Variants in MPG observed in about 807,000 individuals in gnomAD.
The protein encoded by MPG is DNA-3-methyladenine glycosylase.
Under a neutral mutation model 31.7 loss-of-function variants are expected in MPG, and 33 were observed. The ratio of observed to expected loss-of-function variants is 1.04; its 90% confidence interval spans 0.79 to 1.39. The LOEUF is 1.39. Among genes scored for constraint, MPG ranks in the 40% most tolerant of loss-of-function variants. The pLI, the probability that MPG is intolerant of heterozygous loss-of-function variation, is 0.00. For missense variants in MPG, 455 were observed against 415.5 expected, an observed-to-expected ratio of 1.10 and a Z score of -0.83; for synonymous variants, 202 against 169.2, an observed-to-expected ratio of 1.19 and a Z score of -1.51.
chr16:77,784 G>A (rs1898127397), upstream of MPG, among the ~76,000 whole-genome samples: 1 of 152,100 alleles, frequency 6.6e-6, no homozygotes, highest in Non-Finnish European at 1.5e-5. Context: ...GGCCTCCCAG[G>A]CGCTCACTCC....
intron 2 of MPG, among the ~76,000 whole-genome samples, chr16:82,163 C>A (rs1898263969): frequency 9.2e-6 from 1 of 108,674 alleles, no homozygotes; most frequent in Admixed American, 8.5e-5. Flanking sequence ...CTTCCCACCA[C>A]CCTATCTCCG....
intron 2 of MPG, among the ~76,000 whole-genome samples, 198 bp from the exon 3 acceptor site, chr16:82,854 A>G (rs1231985814): frequency 1.3e-5 from 2 of 152,020 alleles, no homozygotes; most frequent in Non-Finnish European, 2.9e-5. Context: ...GCTGGAGGAG[A>G]CAACTGGTGC....
intron 3 of MPG, among the ~76,000 whole-genome samples, chr16:85,013 G>A (rs1022613644): frequency 4.6e-5 from 7 of 152,236 alleles, no homozygotes; most frequent in Non-Finnish European, 1.0e-4. Context: ...CTTTATAGCT[G>A]CTGCCAGTCA....
At position 79,544 on chromosome 16, in the gene MPG, G is replaced by A; in HGVS notation, c.144G>A (p.Gln48=). The A allele has an allele frequency of 1.2e-6, 2 of 1,613,018 alleles. No homozygotes were observed. Among genetic ancestry groups the A allele is most frequent in the Non-Finnish European group, 1.7e-6 (2 of 1,179,988 alleles). The change falls in exon 2 of 4, where the codon CAG becomes CAA. Residue 48 remains glutamine, a synonymous_variant. Transcript: ENST00000356432. ...EQPHSSSDAA[Q]APCPRERCLG... is the part of the protein sequence containing the mutation. ...CACACAGCTCGTCCGATGCAGCCCA[G>A]GCACCTTGCCCCAGGGAGCGCTGCT... is the stretch of plus-strand genomic sequence containing the variant.
In MPG at chr16:78,239, T is replaced by C. The variant is rs1473175882; in HGVS notation, c.-71T>C. Reference sequence around the variant, plus strand: ...CGCTCCGCCCCGGTCCTAGGGGTGCTTCCGTGGTCGGCGGCTGCTGGGCTC... The same window carrying C: ...CGCTCCGCCCCGGTCCTAGGGGTGCCTCCGTGGTCGGCGGCTGCTGGGCTC... On this transcript the variant is annotated 5_prime_UTR_variant, in exon 1 of 4. Transcript: ENST00000356432. 32 of 1,343,988 alleles carry C rather than the reference T, an allele frequency of 2.4e-5. No homozygotes were observed. The highest frequency in any genetic ancestry group is 1.2e-4 in the Admixed American group (4 of 32,144). 83.3% of individuals were successfully genotyped at this position (1,343,988 alleles called of 1,614,324 possible).
rs776056650 is a variant in MPG at position 79,566 on chromosome 16, T to C, written c.166T>C (p.Cys56Arg). The C allele has an allele frequency of 1.9e-6, 3 of 1,612,384 alleles. No individual in the cohort carries two copies. The highest frequency in any genetic ancestry group is 1.3e-5 in the African/African-American group (1 of 74,926). The change falls in exon 2 of 4, where the codon TGC becomes CGC. Residue 56 changes from cysteine (C) to arginine (R), a missense_variant. By Grantham distance (180) the Cys-to-Arg change is radical. Coordinates refer to ENST00000356432, the MANE Select transcript of MPG (RefSeq NM_001015052.3). ...CCAGGCACCTTGCCCCAGGGAGCGCTGCTTGGGACCGCCCACCACTCCGGG... is the reference window on the plus strand; with the variant it reads ...CCAGGCACCTTGCCCCAGGGAGCGCCGCTTGGGACCGCCCACCACTCCGGG... The part of the protein sequence containing the change: ...AAQAPCPRER[C>R]LGPPTTPGPY...
intron 1 of MPG, 109 bp from the exon 2 acceptor site, chr16:79,316 G>T: frequency 6.2e-7 from 1 of 1,609,602 alleles, no homozygotes; most frequent in South Asian, 1.1e-5. Flanking sequence ...CTTTGCAGAT[G>T]AAGAAACCAA....
At chr16:85,294 A>G (rs955184333) in intron 3 of MPG, 107 bp from the exon 4 acceptor site, 3 of 1,359,376 alleles carry the variant, frequency 2.2e-6, no homozygotes, top group African/African-American at 1.5e-5. Context: ...TGGCCCAGGC[A>G]GGAAGGCAGC....
chr16:78,269 C>A lies in MPG; in HGVS notation c.-41C>A. 1 of 1,370,110 alleles carries A rather than the reference C, an allele frequency of 7.3e-7. No homozygotes were observed. Among genetic ancestry groups the A allele is most frequent in the South Asian group, 1.6e-5 (1 of 64,484 alleles). The allele number at this position is 1,370,110 out of a possible 1,614,324, so 84.9% of individuals were successfully genotyped here. ...TGGTCGGCGGCTGCTGGGCTCCGCGCCGGGGTCCGAGTCCCACGAAGCCCC... is the reference window on the plus strand; with the variant it reads ...TGGTCGGCGGCTGCTGGGCTCCGCGACGGGGTCCGAGTCCCACGAAGCCCC... On this transcript the variant is annotated 5_prime_UTR_variant, in exon 1 of 4. Coordinates refer to ENST00000356432, the MANE Select transcript of MPG (RefSeq NM_001015052.3).
intron 3 of MPG, among the ~76,000 whole-genome samples, chr16:83,596 C>A (rs958923380): frequency 6.6e-6 from 1 of 152,130 alleles, no homozygotes; most frequent in Admixed American, 6.6e-5. Context: ...CAAAAATTAG[C>A]TGGGTGTGGT....
intron 2 of MPG, among the ~76,000 whole-genome samples, chr16:81,163 T>A (rs1898226355): frequency 6.6e-6 from 1 of 152,146 alleles, no homozygotes; most frequent in Non-Finnish European, 1.5e-5. Context: ...CCCAGGCCAC[T>A]CTCTGGGCTG....
At chr16:80,034 G>C (rs1898199291) in intron 2 of MPG, among the ~76,000 whole-genome samples, 2 of 152,252 alleles carry the variant, frequency 1.3e-5, no homozygotes, top group Non-Finnish European at 2.9e-5. Context: ...GGGAACTGTG[G>C]CTGTGGCCAG....
intron 3 of MPG, among the ~76,000 whole-genome samples, chr16:84,748 T>C (rs558436413): frequency 1.2e-4 from 19 of 152,194 alleles, no homozygotes; most frequent in African/African-American, 4.6e-4. Flanking sequence ...GGGGGCTTTG[T>C]CAGCCTCCTC....
intron 2 of MPG, among the ~76,000 whole-genome samples, chr16:82,470 C>T (rs905890488): frequency 8.5e-5 from 13 of 152,220 alleles, no homozygotes; most frequent in African/African-American, 1.2e-4. Flanking sequence ...TTGGCCGTTA[C>T]CAGGACCATG....
chr16:83,024 G>A lies in MPG; in HGVS notation c.301-28G>A, dbSNP rs770511210. 4.0e-5 allele frequency: 61 copies of A among 1,541,186 alleles called. 1 individual carries two copies. In the Middle Eastern group the frequency reaches 6.2e-4, roughly 16 times the overall value. On this transcript the variant is annotated intron_variant, in intron 2 of 3. Transcript: ENST00000356432. ...GGTGAGTGGACCCCCATCCCTTCCC[G>A]CCCTGAGCAGAAACTGACTGCCCAC...
Position 79,639 on chromosome 16 carries a change from G to T in MPG, c.239G>T (p.Arg80Leu), listed in dbSNP as rs376049637. The change falls in exon 2 of 4, where the codon CGA becomes CTA. Residue 80 changes from arginine (R) to leucine (L), a missense_variant. By Grantham distance (102) the Arg-to-Leu change is moderately radical (BLOSUM62 -2). Transcript: ENST00000356432. ...TCAAGCCCAAAGGGCCACCTTACCC[G>T]ACTGGGGTTGGAGTTCTTCGACCAG... ...YFSSPKGHLT[R>L]LGLEFFDQPA... 11 of 1,579,684 alleles carry T rather than the reference G, an allele frequency of 7.0e-6. No individual in the cohort carries two copies. The Admixed American group carries it at 2.0e-4, about 29-fold the overall frequency.
At chr16:83,695 C>T (rs549128115) in intron 3 of MPG, among the ~76,000 whole-genome samples, 3 of 150,194 alleles carry the variant, frequency 2.0e-5, no homozygotes, top group African/African-American at 7.4e-5. Context: ...GAGCCAAGAT[C>T]GCGCCATTGC....
intron 2 of MPG, 130 bp downstream of exon 2, chr16:79,830 G>A: frequency 9.8e-7 from 1 of 1,021,934 alleles, no homozygotes. Context: ...TAGCGGCTTT[G>A]CTCACACTGG....
intron 2 of MPG, 50 bp downstream of exon 2, chr16:79,750 G>A: frequency 6.6e-7 from 1 of 1,516,232 alleles, no homozygotes; most frequent in Non-Finnish European, 8.9e-7. Flanking sequence ...TGTCACTGCA[G>A]TTGTCCCTGA....
Sources: allele counts gnomAD v4.1 joint callset (sites outside exome capture counted in the v4.1 genomes callset), GRCh38; gene constraint gnomAD v4.1.1; transcripts MANE v1.5; gene names NCBI Gene and HGNC (gene_info 2026-07-23, HGNC 2026-07-21).